Variants in MAST4 observed in about 807,000 individuals in gnomAD.
MAST4 encodes the protein microtubule associated serine/threonine kinase family member 4, also known as microtubule-associated serine/threonine-protein kinase 4.
A neutral mutation model predicts 162.7 loss-of-function variants in MAST4; 89 were observed. The ratio of observed to expected loss-of-function variants is 0.55; its 90% CI spans 0.46 to 0.65. The LOEUF is 0.65. MAST4 is among the 30% of genes least tolerant of loss of function. MAST4 has a pLI of 0.00. For missense variants in MAST4, 3,153 were observed against 3,374.0 expected (o/e 0.93, Z 1.62); for synonymous variants, 1,479 against 1,361.1 (o/e 1.09, Z -1.91).
intron 2 of MAST4, among the ~76,000 whole-genome samples, chr5:66,776,936 G>A (rs549310416): frequency 6.6e-6 from 1 of 152,322 alleles, no homozygotes; most frequent in East Asian, 1.9e-4. Flanking sequence ...AATCCTGCTT[G>A]TGGATTCAAT....
At chr5:66,793,370 G>A (rs1755510241) in intron 3 of MAST4, among the ~76,000 whole-genome samples, 1 of 152,220 alleles carries the variant, frequency 6.6e-6, no homozygotes, top group Non-Finnish European at 1.5e-5. Flanking sequence ...TTAATCTGAA[G>A]AGGGGAAAAC....
intron 3 of MAST4, among the ~76,000 whole-genome samples, chr5:66,816,094 T>C (rs1293677374): frequency 2.6e-5 from 4 of 152,218 alleles, no homozygotes; most frequent in Admixed American, 2.0e-4. Flanking sequence ...CAAATGCTAG[T>C]CTTTGGTGAA....
At position 67,144,713 on chromosome 5, in the gene MAST4, G is replaced by C; in HGVS notation, c.2775G>C (p.Glu925Asp). The C allele has an allele frequency of 6.2e-7, 1 of 1,613,938 alleles. No homozygotes were observed. Among genetic ancestry groups the C allele is most frequent in the Non-Finnish European group, 8.5e-7 (1 of 1,179,832 alleles). The change falls in exon 22 of 29, where the codon GAG (glutamate) becomes GAC (aspartate). Residue 925 changes from glutamate to aspartate, a missense_variant. Around this residue, in one of 7 missense-constraint regions of MAST4, gnomAD observed 619 missense variants for 744.2 expected, o/e 0.83. Transcript: ENST00000403625. ...IDRITQNSAE[E>D]KEDSVDKTKS... ...GAATCACTCAGAATTCAGCAGAAGA[G>C]AAGGAAGACTCTGTGGACAAAACCA...
chr5:66,908,081 A>G (rs888792998), intron 4 of MAST4, among the ~76,000 whole-genome samples: 1 of 152,328 alleles, frequency 6.6e-6, no homozygotes, highest in Non-Finnish European at 1.5e-5. Context: ...TTAAAGTGGC[A>G]TGTTTACATA....
intron 4 of MAST4, among the ~76,000 whole-genome samples, chr5:66,952,578 T>A (rs537869883): frequency 6.6e-6 from 1 of 152,216 alleles, no homozygotes; most frequent in Admixed American, 6.5e-5. Context: ...AATGATACAA[T>A]CCTTGAGACC....
chr5:66,724,934 G>A lies in MAST4; in HGVS notation c.364-34775G>A, dbSNP rs139191821. Among the ~76,000 whole-genome samples, 834 of 151,894 alleles carry A rather than the reference G, an allele frequency of 5.5e-3. 24 individuals carry two copies. Among genetic ancestry groups the A allele is most frequent in the Admixed American group, 0.045 (679 of 15,248 alleles). Reference sequence around the variant, plus strand: ...CTTCAAAGATTAGGCTCCCTCTATAGGCCACAGCCATCCCTTTGTTTCTTT... The same window carrying A: ...CTTCAAAGATTAGGCTCCCTCTATAAGCCACAGCCATCCCTTTGTTTCTTT... On this transcript the variant is annotated intron_variant, in intron 1 of 28. Coordinates refer to ENST00000403625, the MANE Select transcript of MAST4 (RefSeq NM_001164664.2).
intron 1 of MAST4, among the ~76,000 whole-genome samples, chr5:66,666,300 A>G (rs1355569601): frequency 6.6e-6 from 1 of 152,154 alleles, no homozygotes; most frequent in Admixed American, 6.5e-5. Flanking sequence ...CCGCTCTCTG[A>G]TGGTAATGAT....
intron 4 of MAST4, among the ~76,000 whole-genome samples, chr5:67,024,135 A>G (rs1300154048): frequency 6.9e-6 from 1 of 144,272 alleles, no homozygotes; most frequent in Non-Finnish European, 1.5e-5. Context: ...TAGGTACCTC[A>G]TTTAAGTGGA....
chr5:66,613,767 G>T (rs1428747989), intron 1 of MAST4, among the ~76,000 whole-genome samples: 1 of 152,182 alleles, frequency 6.6e-6, no homozygotes, highest in African/African-American at 2.4e-5. Context: ...CTTGGTGTTT[G>T]CAGGTGGAGA....
In MAST4 at chr5:66,778,974, G is replaced by A. The variant is rs147402560; in HGVS notation, c.518-9696G>A. On this transcript the variant is annotated intron_variant, in intron 2 of 28. Transcript: ENST00000403625. Reference sequence around the variant, plus strand: ...AGGTACTTAGTCTGTCTGGGCCCACGTGAAAGAAAAACTTCTGATACCTGT... The same window carrying A: ...AGGTACTTAGTCTGTCTGGGCCCACATGAAAGAAAAACTTCTGATACCTGT... Among the ~76,000 whole-genome samples the A allele has an allele frequency of 4.6e-5, 7 of 152,260 alleles. No homozygotes were observed. The South Asian group carries it at 8.3e-4, about 18-fold the overall frequency.
At chr5:66,928,077 C>CT (rs1442538022) in intron 4 of MAST4, among the ~76,000 whole-genome samples, 1 of 152,200 alleles carries the variant, frequency 6.6e-6, no homozygotes, top group East Asian at 1.9e-4. Flanking sequence ...ATGACTCCAT[C>CT]TGACCTTGAT....
chr5:67,062,582 C>G (rs1759760160), intron 5 of MAST4, among the ~76,000 whole-genome samples: 1 of 152,178 alleles, frequency 6.6e-6, no homozygotes, highest in South Asian at 2.1e-4. Context: ...CAATGACCTC[C>G]TTTAGCTGCA....
intron 1 of MAST4, among the ~76,000 whole-genome samples, chr5:66,640,862 C>T (rs986668515): frequency 6.6e-6 from 1 of 152,086 alleles, no homozygotes; most frequent in East Asian, 1.9e-4. Flanking sequence ...ACCAGGGTTC[C>T]CTTTTCCCTA....
intron 3 of MAST4, among the ~76,000 whole-genome samples, chr5:66,832,488 G>A (rs1399866022): frequency 6.6e-6 from 1 of 151,714 alleles, no homozygotes; most frequent in African/African-American, 2.4e-5. Flanking sequence ...ACATTCTTAC[G>A]CTGGCCTAGG....
chr5:66,822,886 C>T (rs1309416666), intron 3 of MAST4, among the ~76,000 whole-genome samples: 1 of 152,166 alleles, frequency 6.6e-6, no homozygotes, highest in Non-Finnish European at 1.5e-5. Context: ...ACTCTGGAGT[C>T]AACCTGACCA....
intron 3 of MAST4, among the ~76,000 whole-genome samples, chr5:66,817,257 C>T (rs959471651): frequency 2.0e-5 from 3 of 152,202 alleles, no homozygotes; most frequent in Non-Finnish European, 2.9e-5. Context: ...AATAGTAATA[C>T]AATGATTTAA....
At chr5:66,606,561 G>A (rs576471437) in intron 1 of MAST4, among the ~76,000 whole-genome samples, 1 of 152,270 alleles carries the variant, frequency 6.6e-6, no homozygotes, top group South Asian at 2.1e-4. Context: ...GGAGGTTTGT[G>A]CTGCATTATC....
rs551614332 is a variant in MAST4 at position 67,161,056 on chromosome 5, TACTC to T, written c.3785+468_3785+471del. ...GCCTAGAAATAAAAGGGCTTTGTTT[TACTC>T]ACTGAAAAACGAACTAGCTTATATA... On this transcript the variant is annotated intron_variant, in intron 27 of 28. Transcript: ENST00000403625. Among the ~76,000 whole-genome samples, 4 of 152,360 alleles carry T rather than the reference TACTC, an allele frequency of 2.6e-5. No individual in the cohort carries two copies. In the South Asian group the frequency reaches 8.3e-4, roughly 32 times the overall value.
At chr5:67,134,399 GTCCATGTGGT>G (rs1769367992) in intron 17 of MAST4, 114 bp from the exon 18 acceptor site, 1 of 657,868 alleles carries the variant, frequency 1.5e-6, no homozygotes, top group Non-Finnish European at 2.5e-6. Context: ...TAAGTTCTTT[GTCCATGTGGT>G]TCCATGTGGT....
Sources: allele counts gnomAD v4.1 joint callset (sites outside exome capture counted in the v4.1 genomes callset), GRCh38; gene constraint gnomAD v4.1.1; regional missense constraint gnomAD v4.1.1; transcripts MANE v1.5; gene names NCBI Gene and HGNC (gene_info 2026-07-23, HGNC 2026-07-21).